The following SPATS2L variants were observed in gnomAD, a reference collection of about 807,000 sequenced individuals.
The protein encoded by SPATS2L is spermatogenesis associated serine rich 2 like, also known as SPATS2-like protein.
In SPATS2L, 30 loss-of-function variants were observed where a neutral mutation model predicts 59.6. That is an observed-to-expected ratio of 0.50 (90% CI 0.38 to 0.68). The LOEUF (loss-of-function observed/expected upper bound fraction) is 0.68, where lower values mean the gene tolerates loss of function less well. Ranked by LOEUF, SPATS2L falls within the 30% of genes least tolerant of loss-of-function variation. SPATS2L has a pLI of 0.00. For missense variants in SPATS2L, 615 were observed against 700.0 expected (o/e 0.88, Z 1.37); for synonymous variants, 252 against 263.5 (o/e 0.96, Z 0.42).
intron 2 of SPATS2L, among the ~76,000 whole-genome samples, chr2:200,348,595 G>A (rs774117346): frequency 2.6e-5 from 4 of 152,182 alleles, no homozygotes; most frequent in Non-Finnish European, 4.4e-5. Flanking sequence ...GTGAGGCAGT[G>A]AAGTGGAATG....
At chr2:200,443,416 C>A (rs1174005152) in intron 8 of SPATS2L, among the ~76,000 whole-genome samples, 2 of 152,112 alleles carry the variant, frequency 1.3e-5, no homozygotes, top group Non-Finnish European at 2.9e-5. Flanking sequence ...CATTTTAATG[C>A]AGTTGTAGCC....
rs1233141508 is a variant in SPATS2L, at chr2:200,306,816, G to A, written c.-179G>A. On this transcript the variant is annotated 5_prime_UTR_variant, in exon 1 of 13. Transcript: ENST00000409140. Reference sequence around the variant, plus strand: ...CCAGGCAGCGGCTCCCGCTCGGCCCGCCCTCCGAGCCGCAGGGGCCGCCAC... The same window carrying A: ...CCAGGCAGCGGCTCCCGCTCGGCCCACCCTCCGAGCCGCAGGGGCCGCCAC... 2.0e-6 allele frequency: 2 copies of A among 980,744 alleles called. No homozygotes were observed. The highest frequency in any genetic ancestry group is 1.2e-4 in the East Asian group (1 of 8,620). 60.8% of individuals were successfully genotyped at this position (980,744 alleles called of 1,614,324 possible).
At chr2:200,421,748 C>T (rs1430677434) in intron 6 of SPATS2L, among the ~76,000 whole-genome samples, 1 of 152,110 alleles carries the variant, frequency 6.6e-6, no homozygotes, top group African/African-American at 2.4e-5. Flanking sequence ...ACTGTGCCTA[C>T]AATTTTGAGA....
chr2:200,309,521 T>G (rs1222183013), intron 1 of SPATS2L, among the ~76,000 whole-genome samples: 1 of 152,224 alleles, frequency 6.6e-6, no homozygotes, highest in Non-Finnish European at 1.5e-5. Flanking sequence ...CATATGTTTT[T>G]TATAATTTCT....
At chr2:200,470,509 T>G (rs898471977) in intron 11 of SPATS2L, among the ~76,000 whole-genome samples, 3 of 152,190 alleles carry the variant, frequency 2.0e-5, no homozygotes, top group Admixed American at 2.0e-4. Flanking sequence ...ACTCAGCCAT[T>G]AGCTTTAGTC....
At chr2:200,452,363 C>A (rs1159959618) in intron 8 of SPATS2L, among the ~76,000 whole-genome samples, 7 of 151,978 alleles carry the variant, frequency 4.6e-5, no homozygotes, top group Non-Finnish European at 1.5e-5. Flanking sequence ...TAAAAAATTC[C>A]AATAAGAAAA....
intron 2 of SPATS2L, among the ~76,000 whole-genome samples, chr2:200,364,408 C>T (rs2081201993): frequency 6.6e-6 from 1 of 152,132 alleles, no homozygotes; most frequent in African/African-American, 2.4e-5. Context: ...AGTGATGTAT[C>T]TCCGCCTTGC....
intron 2 of SPATS2L, among the ~76,000 whole-genome samples, chr2:200,340,139 G>A (rs17531568): frequency 0.11 from 16,459 of 152,210 alleles, 947 homozygotes; most frequent in Non-Finnish European, 0.13. Flanking sequence ...TTTCTCCCAT[G>A]CACTAGAAAA....
chr2:200,365,451 G>A (rs577547106), intron 2 of SPATS2L, among the ~76,000 whole-genome samples: 14 of 152,138 alleles, frequency 9.2e-5, no homozygotes, highest in Non-Finnish European at 1.9e-4. Context: ...CTCAGTTGAG[G>A]CCATGTTTCA....
At chr2:200,397,507 C>T (rs1559097132) in intron 3 of SPATS2L, among the ~76,000 whole-genome samples, 1 of 152,116 alleles carries the variant, frequency 6.6e-6, no homozygotes, top group Non-Finnish European at 1.5e-5. Context: ...GATGCATAAA[C>T]TCAGACCTTA....
At chr2:200,470,208 T>C (rs1268352544) in intron 11 of SPATS2L, among the ~76,000 whole-genome samples, 192 bp downstream of exon 11, 1 of 152,210 alleles carries the variant, frequency 6.6e-6, no homozygotes, top group Non-Finnish European at 1.5e-5. Flanking sequence ...CAAATGCCAC[T>C]GCCCATCAGT....
intron 2 of SPATS2L, chr2:200,384,081 T>C: frequency 1.2e-6 from 1 of 835,700 alleles, no homozygotes; most frequent in South Asian, 5.5e-5. Flanking sequence ...AATATATATT[T>C]TTAAAACTTT....
At chr2:200,424,253 G>A (rs1454694405) in intron 6 of SPATS2L, among the ~76,000 whole-genome samples, 2 of 152,120 alleles carry the variant, frequency 1.3e-5, no homozygotes, top group African/African-American at 4.8e-5. Flanking sequence ...TTCAGAGGCT[G>A]AGGTGGGAAG....
intron 2 of SPATS2L, among the ~76,000 whole-genome samples, chr2:200,374,738 A>G (rs2081542277): frequency 6.6e-6 from 1 of 152,238 alleles, no homozygotes; most frequent in Non-Finnish European, 1.5e-5. Context: ...TATAAATGGA[A>G]CCAAAGCTGT....
At chr2:200,440,874 A>T in intron 8 of SPATS2L, 90 bp downstream of exon 8, 2 of 1,398,684 alleles carry the variant, frequency 1.4e-6, no homozygotes, top group Non-Finnish European at 2.0e-6. Context: ...TGTTTATTTA[A>T]TACATAAACA....
At chr2:200,455,630 A>G (rs528197467) in intron 8 of SPATS2L, among the ~76,000 whole-genome samples, 1 of 152,236 alleles carries the variant, frequency 6.6e-6, no homozygotes, top group South Asian at 2.1e-4. Flanking sequence ...CCACAGTAGG[A>G]ATGTGGTTGA....
Position 200,353,717 on chromosome 2 carries a change from G to A in SPATS2L, c.-23+24237G>A, listed in dbSNP as rs116174931. Reference sequence around the variant, plus strand: ...AAGGTATTTGCCACTCAGACCCATTGTCCTTGAGAAATGAACACATAATCA... The same window carrying A: ...AAGGTATTTGCCACTCAGACCCATTATCCTTGAGAAATGAACACATAATCA... On this transcript the variant is annotated intron_variant, in intron 2 of 12. Coordinates refer to ENST00000409140, the MANE Select transcript of SPATS2L (RefSeq NM_001100423.2). Among the ~76,000 whole-genome samples, 556 of 152,010 alleles carry A rather than the reference G, an allele frequency of 3.7e-3. 5 individuals are homozygous for A. The highest frequency in any genetic ancestry group is 0.013 in the African/African-American group (523 of 41,456).
At chr2:200,468,195 G>T (rs531287516) in intron 10 of SPATS2L, among the ~76,000 whole-genome samples, 1 of 152,042 alleles carries the variant, frequency 6.6e-6, no homozygotes, top group Admixed American at 6.5e-5. Context: ...CATCTTGATC[G>T]CCAGACCCAC....
At chr2:200,360,011 T>A (rs2081044183) in intron 2 of SPATS2L, among the ~76,000 whole-genome samples, 2 of 152,222 alleles carry the variant, frequency 1.3e-5, no homozygotes, top group African/African-American at 4.8e-5. Flanking sequence ...TTTTTCCATA[T>A]CTTTTCAAAT....
Sources: allele counts gnomAD v4.1 joint callset (sites outside exome capture counted in the v4.1 genomes callset), GRCh38; gene constraint gnomAD v4.1.1; transcripts MANE v1.5; gene names NCBI Gene and HGNC (gene_info 2026-07-23, HGNC 2026-07-21).